The following BRME1 variants were observed in gnomAD, a reference collection of about 807,000 sequenced individuals.
BRME1 encodes BRCA2 and MEILB2-associating protein 1.
In BRME1, 31 loss-of-function variants were observed where a neutral mutation model predicts 52.6. That is an observed-to-expected ratio of 0.59 (90% CI 0.44 to 0.80). BRME1 has a LOEUF of 0.80. Among genes scored for constraint, BRME1 ranks in the 30% least tolerant of loss-of-function variants. The probability of loss-of-function intolerance (pLI) is 0.00; values close to 1 mark genes in which losing one functional copy is unlikely to be tolerated. For missense variants in BRME1, 804 were observed against 860.3 expected (o/e 0.93, Z 0.82); for synonymous variants, 359 against 353.6 (o/e 1.02, Z -0.17).
At chr19:13,885,652 G>A (rs571455028) in intron 7 of BRME1, among the ~76,000 whole-genome samples, 1 of 152,304 alleles carries the variant, frequency 6.6e-6, no homozygotes, top group East Asian at 1.9e-4. Flanking sequence ...GACTCAGGAG[G>A]AAGCTTTGGC....
At chr19:13,904,949 GTCTC>G in intron 1 of BRME1, 36 bp from the exon 2 acceptor site, 1 of 1,521,420 alleles carries the variant, frequency 6.6e-7, no homozygotes, top group Non-Finnish European at 9.1e-7. Flanking sequence ...ATTATAAGCA[GTCTC>G]TGTCTCTGTT....
chr19:13,885,830 C>T, intron 7 of BRME1, 131 bp downstream of exon 7: 1 of 722,058 alleles, frequency 1.4e-6, no homozygotes, highest in Non-Finnish European at 2.3e-6. Context: ...AGACAGGGCT[C>T]AGCTCCCCTG....
At chr19:13,895,622 C>T (rs1408173003) in intron 2 of BRME1, 76 bp from the exon 3 acceptor site, 60 of 1,341,110 alleles carry the variant, frequency 4.5e-5, no homozygotes, top group Non-Finnish European at 3.4e-5. Flanking sequence ...AGGTCTCCCC[C>T]ACTACAACCA....
rs1568378905 is a variant in BRME1 at position 13,890,098 on chromosome 19, T to TG, written c.757dup (p.Gln253ProfsTer58). ...TGCTGTCCTTTGGGCCCCTCCCTCCTGGGGGGCTCCTCTGTCTGGCTTCTC... is the reference window on the plus strand; with the variant it reads ...TGCTGTCCTTTGGGCCCCTCCCTCCTGGGGGGGCTCCTCTGTCTGGCTTCTC... On this transcript the variant is annotated frameshift_variant, in exon 6 of 9. Coordinates refer to ENST00000586783, the MANE Select transcript of BRME1 (RefSeq NM_001345843.2). LOFTEE classifies it high-confidence loss of function. The TG allele has an allele frequency of 1.2e-6, 2 of 1,614,008 alleles. No homozygotes were observed. Among genetic ancestry groups the TG allele is most frequent in the East Asian group, 2.2e-5 (1 of 44,880 alleles).
Position 13,882,744 on chromosome 19 carries a change from G to A in BRME1, c.*58C>T, listed in dbSNP as rs923560298. ...CACTAGGACCCCCTGGAGCATCTTG[G>A]AGGAGGTCTGCGGACATGGGGGCTG... is the stretch of plus-strand genomic sequence containing the variant. On this transcript the variant is annotated 3_prime_UTR_variant, in exon 9 of 9. Transcript: ENST00000586783. 6.2e-7 allele frequency: 1 copy of A among 1,603,678 alleles called. No homozygotes were observed.
intron 5 of BRME1, among the ~76,000 whole-genome samples, chr19:13,892,313 C>T (rs1053396130): frequency 1.3e-5 from 2 of 152,142 alleles, no homozygotes; most frequent in African/African-American, 2.4e-5. Context: ...AGGCCGTGCG[C>T]AGTGGCTCAT....
chr19:13,896,342 A>G (rs1202764670), intron 2 of BRME1, among the ~76,000 whole-genome samples: 2 of 147,828 alleles, frequency 1.4e-5, no homozygotes, highest in Non-Finnish European at 1.5e-5. Context: ...ATACATACAT[A>G]TAAAATATAT....
chr19:13,884,781 C>T (rs1568370668), intron 7 of BRME1, among the ~76,000 whole-genome samples: 1 of 151,146 alleles, frequency 6.6e-6, no homozygotes, highest in Admixed American at 6.6e-5. Context: ...CCCCAGGCTT[C>T]GCAGCACCTC....
rs1370331036 is a variant in BRME1, at chr19:13,905,731, G to A, written c.-38C>T. 6.6e-6 allele frequency: 1 copy of A among 152,220 alleles called. No homozygotes were observed. Among genetic ancestry groups the A allele is most frequent in the East Asian group, 1.9e-4 (1 of 5,196 alleles). 9.4% of individuals were successfully genotyped at this position (152,220 alleles called of 1,614,324 possible). A position where few individuals can be genotyped will look rare whatever the true frequency, so the allele number is the denominator to read the frequency against. The stretch of plus-strand genomic sequence containing the variant: ...AGAACGGACCTGGGCCACAGAAGTC[G>A]TTGAGGACCCTCTGTCCTTATCAGA... On this transcript the variant is annotated 5_prime_UTR_variant, in exon 1 of 9. In the 5' UTR this introduces an upstream ATG that the reference lacks. Coordinates refer to ENST00000586783, the MANE Select transcript of BRME1 (RefSeq NM_001345843.2).
rs780642908 is a variant in BRME1 at position 13,889,899 on chromosome 19, A to G, written c.957T>C (p.Gly319=). The part of the protein sequence containing the change: ...PDPQQTPSRM[G]REGEGTHSSL... ...TGCTATGAGTCCCTTCCCCTTCCCT[A>G]CCCATCCTGCTGGGGGTCTGCTGGG... Residue 319 remains glycine (G), a synonymous_variant, in exon 6 of 9, where the codon GGT becomes GGC. Coordinates refer to ENST00000586783, the MANE Select transcript of BRME1 (RefSeq NM_001345843.2). 4.3e-6 allele frequency: 7 copies of G among 1,612,550 alleles called. No individual in the cohort carries two copies. The Admixed American group carries it at 5.0e-5, about 12-fold the overall frequency.
chr19:13,903,345 A>T (rs1424628350), intron 2 of BRME1, among the ~76,000 whole-genome samples: 1 of 151,930 alleles, frequency 6.6e-6, no homozygotes, highest in Non-Finnish European at 1.5e-5. Context: ...CACCCACTAG[A>T]TGTCAGTATA....
chr19:13,889,605 G>C lies in BRME1; in HGVS notation c.1251C>G (p.Ala417=). The part of the protein sequence containing the change: ...PPGDVLVGPT[A]SLALAPGSGE... ...CGCTCCCAGGTGCCAGAGCCAGGGA[G>C]GCTGTAGGGCCCACTAGGACATCGC... The change falls in exon 6 of 9, where the codon GCC becomes GCG. Residue 417 remains alanine, a synonymous_variant. Transcript: ENST00000586783. 1 of 1,610,690 alleles carries C rather than the reference G, an allele frequency of 6.2e-7. No individual in the cohort carries two copies. Among genetic ancestry groups the C allele is most frequent in the African/African-American group, 1.3e-5 (1 of 74,978 alleles).
At chr19:13,894,580 T>C (rs1360402243) in intron 3 of BRME1, among the ~76,000 whole-genome samples, 1 of 152,146 alleles carries the variant, frequency 6.6e-6, no homozygotes, top group Non-Finnish European at 1.5e-5. Flanking sequence ...GGCTAATTAT[T>C]TTATTTCTTG....
intron 2 of BRME1, among the ~76,000 whole-genome samples, chr19:13,898,714 G>A (rs1159203374): frequency 2.0e-5 from 3 of 151,638 alleles, no homozygotes; most frequent in African/African-American, 4.8e-5. Context: ...CCCTGAGGTC[G>A]GGAGTTTAAG....
chr19:13,889,551 G>A lies in BRME1; in HGVS notation c.1305C>T (p.Ser435=), dbSNP rs757116463. The change falls in exon 6 of 9, where the codon TCC becomes TCT. Residue 435 remains serine (S), a synonymous_variant. Transcript: ENST00000586783. ...GACCTGTGTCCGGGGATGCATGACC[G>A]GAATCTCCAGCACCCATCATGGACT... ...SGESMMGAGD[S]GHASPDTGPC... 84 of 1,613,538 alleles carry A rather than the reference G, an allele frequency of 5.2e-5. No homozygotes were observed. The highest frequency in any genetic ancestry group is 2.4e-4 in the African/African-American group (18 of 74,926).
chr19:13,905,921 C>T lies in BRME1; in HGVS notation c.-228G>A, dbSNP rs1252867109. On this transcript the variant is annotated 5_prime_UTR_variant, in exon 1 of 9. Transcript: ENST00000586783. ...AGGGTGGGCGCTGTAGACCCCGCTC[C>T]CGGTGACAAGCCCCACACTGACACT... 6.6e-6 allele frequency: 1 copy of T among 152,200 alleles called. No individual in the cohort carries two copies. The highest frequency in any genetic ancestry group is 1.5e-5 in the Non-Finnish European group (1 of 68,056). The allele number at this position is 152,200 out of a possible 1,614,324, so 9.4% of individuals were successfully genotyped here. A position where few individuals can be genotyped will look rare whatever the true frequency, so the allele number is the denominator to read the frequency against.
At chr19:13,900,020 T>C (rs1350782010) in intron 2 of BRME1, among the ~76,000 whole-genome samples, 1 of 152,154 alleles carries the variant, frequency 6.6e-6, no homozygotes, top group Non-Finnish European at 1.5e-5. Context: ...CACGACCTTG[T>C]GGTCTGCCAG....
rs1369571744 is a variant in BRME1 at position 13,882,863 on chromosome 19, G to A, written c.1946C>T (p.Pro649Leu). 3.1e-6 allele frequency: 5 copies of A among 1,614,062 alleles called. No individual in the cohort carries two copies. The Admixed American group carries it at 6.7e-5, about 22-fold the overall frequency. Residue 649 changes from proline to leucine, a missense_variant, in exon 9 of 9, where the codon CCT becomes CTT. Physicochemically the swap from Pro to Leu is moderately conservative, Grantham distance 98 (BLOSUM62 -3). Transcript: ENST00000586783. ...ATTCCCAGGCCCCTTGGAAGGGTAA[G>A]GCAGGGGGGCTTTGCCTCCCAGCTT... ...KTKLGGKAPL[P>L]YPSKGPGNIP...
Position 13,892,785 on chromosome 19 carries a change from C to G in BRME1, c.393+1G>C. On this transcript the variant is annotated splice_donor_variant, in intron 5 of 8. Coordinates refer to ENST00000586783, the MANE Select transcript of BRME1 (RefSeq NM_001345843.2). LOFTEE classifies it high-confidence loss of function. ...CAGCCTGGCTGATTTTAGAGCCTTA[C>G]CAGGCTAAAGGCCCCACTCCCACGG... 6.2e-7 allele frequency: 1 copy of G among 1,611,672 alleles called. No individual in the cohort carries two copies. Among genetic ancestry groups the G allele is most frequent in the Non-Finnish European group, 8.5e-7 (1 of 1,177,768 alleles).
Sources: gnomAD v4.1 joint callset for allele counts (sites outside exome capture counted in the v4.1 genomes callset) on GRCh38, gnomAD v4.1.1 for gene constraint, MANE v1.5 for transcripts, NCBI Gene and HGNC (gene_info 2026-07-23, HGNC 2026-07-21) for gene names.